Variants in KCND3 observed in about 807,000 individuals in gnomAD.
The protein encoded by KCND3 is potassium voltage-gated channel subfamily D member 3, also known as A-type voltage-gated potassium channel KCND3.
KCND3 carries 9 observed loss-of-function variants against 51.1 expected under a neutral mutation model. That is an observed-to-expected ratio of 0.18 (90% confidence interval 0.11 to 0.31). KCND3 has a LOEUF of 0.31. KCND3 is among the 10% of genes least tolerant of loss of function. The pLI is 1.00. For synonymous variants in KCND3, 349 were observed against 368.0 expected, an observed-to-expected ratio of 0.95 and a Z score of 0.59; for missense variants, 526 against 903.8, an observed-to-expected ratio of 0.58 and a Z score of 5.36.
chr1:111,783,248 A>C (rs897013270), intron 3 of KCND3, among the ~76,000 whole-genome samples: 5 of 150,946 alleles, frequency 3.3e-5, no homozygotes, highest in African/African-American at 1.2e-4. Flanking sequence ...TGACTTATCC[A>C]GGGAAAGGCA....
At chr1:111,828,263 C>A (rs1571703062) in intron 2 of KCND3, among the ~76,000 whole-genome samples, 1 of 152,184 alleles carries the variant, frequency 6.6e-6, no homozygotes. Flanking sequence ...GGTATTCACA[C>A]AATTTACCCG....
intron 2 of KCND3, among the ~76,000 whole-genome samples, chr1:111,901,337 T>G (rs1670373788): frequency 6.6e-6 from 1 of 152,222 alleles, no homozygotes; most frequent in African/African-American, 2.4e-5. Flanking sequence ...ACAAAAGAAT[T>G]AAGTCAGGCT....
At chr1:111,957,804 C>T (rs545312127) in intron 2 of KCND3, among the ~76,000 whole-genome samples, 1 of 152,290 alleles carries the variant, frequency 6.6e-6, no homozygotes, top group South Asian at 2.1e-4. Context: ...TACCTATTGT[C>T]TATGGCTGCT....
intron 2 of KCND3, among the ~76,000 whole-genome samples, chr1:111,801,531 A>G (rs1571659250): frequency 6.6e-6 from 1 of 152,102 alleles, no homozygotes; most frequent in Non-Finnish European, 1.5e-5. Context: ...GACAGGTGGG[A>G]GGTAGAAGTA....
At chr1:111,935,389 C>T (rs1672170498) in intron 2 of KCND3, among the ~76,000 whole-genome samples, 1 of 152,092 alleles carries the variant, frequency 6.6e-6, no homozygotes, top group Non-Finnish European at 1.5e-5. Flanking sequence ...CCCTTACTCC[C>T]AGATAATTGA....
chr1:111,837,430 T>C (rs1667115790), intron 2 of KCND3, among the ~76,000 whole-genome samples: 1 of 152,274 alleles, frequency 6.6e-6, no homozygotes, highest in African/African-American at 2.4e-5. Context: ...GGCCCTGCTC[T>C]GTCCCATGGC....
chr1:111,805,429 C>T (rs541967737), intron 2 of KCND3, among the ~76,000 whole-genome samples: 49 of 152,336 alleles, frequency 3.2e-4, no homozygotes, highest in African/African-American at 1.1e-3. Flanking sequence ...GCTGCACTTT[C>T]CAGTCTGCCC....
Position 111,780,156 on chromosome 1 carries a change from T to C in KCND3, c.1461+69A>G. 1 of 1,412,684 alleles carries C rather than the reference T, an allele frequency of 7.1e-7. No individual in the cohort carries two copies. Among genetic ancestry groups the C allele is most frequent in the Non-Finnish European group, 9.8e-7 (1 of 1,021,670 alleles). The allele number at this position is 1,412,684 out of a possible 1,614,324, so 87.5% of individuals were successfully genotyped here. A position where few individuals can be genotyped will look rare whatever the true frequency, so the allele number is the denominator to read the frequency against. ...TTTGACTTCTGGCCCAGAGTGAAGA[T>C]GTGAGTACAGCCTTAGAAAAGGGTC... On this transcript the variant is annotated intron_variant, in intron 5 of 7. Coordinates refer to ENST00000302127, the MANE Select transcript of KCND3 (RefSeq NM_001378969.1). This position sits in a 1 kb window ranked among gnomAD's most constrained non-coding sequence, Gnocchi z 4.2.
At chr1:111,849,090 G>T (rs1667693998) in intron 2 of KCND3, among the ~76,000 whole-genome samples, 1 of 152,142 alleles carries the variant, frequency 6.6e-6, no homozygotes, top group Admixed American at 6.5e-5. Context: ...CAGCTCACTT[G>T]TGCTCTGCTT....
chr1:111,784,345 T>C (rs760005346), intron 3 of KCND3, among the ~76,000 whole-genome samples: 2 of 151,824 alleles, frequency 1.3e-5, no homozygotes, highest in Admixed American at 6.6e-5. Flanking sequence ...AACATTTCAT[T>C]AAAAAAAAGA....
Position 111,778,398 on chromosome 1 carries a change from G to A in KCND3, c.1518+38C>T, listed in dbSNP as rs749309274. Reference sequence around the variant, plus strand: ...AGAATCCACAGACTCAGAATTATCAGAGAGAAAAACATCAATTGAATTTTT... The same window carrying A: ...AGAATCCACAGACTCAGAATTATCAAAGAGAAAAACATCAATTGAATTTTT... On this transcript the variant is annotated intron_variant, in intron 6 of 7. Transcript: ENST00000302127. 21 of 1,577,630 alleles carry A rather than the reference G, an allele frequency of 1.3e-5. No individual in the cohort carries two copies. In the South Asian group the frequency reaches 2.1e-4, roughly 16 times the overall value.
At chr1:111,836,260 G>GGCC (rs1667059216) in intron 2 of KCND3, among the ~76,000 whole-genome samples, 1 of 152,210 alleles carries the variant, frequency 6.6e-6, no homozygotes, top group Non-Finnish European at 1.5e-5. Flanking sequence ...GGCACTGCCA[G>GGCC]TTTGGGCCGC....
At chr1:111,965,740 A>G (rs1038614568) in intron 2 of KCND3, among the ~76,000 whole-genome samples, 1 of 152,098 alleles carries the variant, frequency 6.6e-6, no homozygotes, top group Non-Finnish European at 1.5e-5. Flanking sequence ...ATATCATTTC[A>G]TGAAATATAC....
chr1:111,902,759 T>C (rs1010082538), intron 2 of KCND3, among the ~76,000 whole-genome samples: 1 of 152,140 alleles, frequency 6.6e-6, no homozygotes, highest in Non-Finnish European at 1.5e-5. Context: ...TACCTTGAGG[T>C]TGTTGTGAGG....
In KCND3 at chr1:111,813,374, C is replaced by A. The variant is rs78034615; in HGVS notation, c.1107-26268G>T. Among the ~76,000 whole-genome samples the A allele has an allele frequency of 8.0e-4, 122 of 152,348 alleles. 1 individual carries two copies. The East Asian group carries it at 0.021, about 26-fold the overall frequency. On this transcript the variant is annotated intron_variant, in intron 2 of 7. Transcript: ENST00000302127. ...AATACATGAAGAGTCAGAAAAGAGT[C>A]ATGGCAACGAGGAGGCTGAGCACCA...
At chr1:111,793,914 T>C (rs1287213389) in intron 2 of KCND3, among the ~76,000 whole-genome samples, 2 of 152,228 alleles carry the variant, frequency 1.3e-5, no homozygotes, top group Non-Finnish European at 2.9e-5. Context: ...TCCTCTTCTC[T>C]CTACCCTGGC....
chr1:111,777,089 C>T lies in KCND3; in HGVS notation c.1703G>A (p.Arg568His), dbSNP rs200212002. 9.9e-5 allele frequency: 159 copies of T among 1,613,880 alleles called. No homozygotes were observed. The highest frequency in any genetic ancestry group is 1.2e-4 in the Non-Finnish European group (141 of 1,179,948). The part of the protein sequence containing the change: ...PNSNLPATRL[R>H]SMQELSTIHI... Reference sequence around the variant, plus strand: ...GATCGTGCTGAGCTCTTGCATGCTGCGCAGGCGAGTAGCTGGCAGGTTAGA... The same window carrying T: ...GATCGTGCTGAGCTCTTGCATGCTGTGCAGGCGAGTAGCTGGCAGGTTAGA... Residue 568 changes from arginine to histidine, a missense_variant, in exon 7 of 8, where the codon CGC (arginine) becomes CAC (histidine). By Grantham distance (29) the Arg-to-His change is conservative. Transcript: ENST00000302127.
At chr1:111,903,573 G>A (rs1271665649) in intron 2 of KCND3, among the ~76,000 whole-genome samples, 2 of 152,348 alleles carry the variant, frequency 1.3e-5, no homozygotes, top group East Asian at 3.9e-4. Flanking sequence ...TGCATCTACT[G>A]CCATATTTGA....
At chr1:111,938,998 G>T (rs538828573) in intron 2 of KCND3, among the ~76,000 whole-genome samples, 24 of 152,328 alleles carry the variant, frequency 1.6e-4, no homozygotes, top group Middle Eastern at 3.4e-3. Flanking sequence ...GATTCTGGCT[G>T]CTCAATGTGT....
Sources: gnomAD v4.1 joint callset for allele counts (sites outside exome capture counted in the v4.1 genomes callset) on GRCh38, gnomAD v4.1.1 for gene constraint, Gnocchi (gnomAD v3.1) non-coding constraint, MANE v1.5 for transcripts, NCBI Gene and HGNC (gene_info 2026-07-23, HGNC 2026-07-21) for gene names.